The following TRPA1 variants were observed in gnomAD, a reference collection of about 807,000 sequenced individuals.
TRPA1 encodes the protein ankyrin-like with transmembrane domains 1.
In TRPA1, 129 loss-of-function variants were observed where a neutral mutation model predicts 131.3. The ratio of observed to expected loss-of-function variants is 0.98; its 90% CI spans 0.85 to 1.14. The LOEUF (loss-of-function observed/expected upper bound fraction) is 1.14. Among genes scored for constraint, TRPA1 ranks in the 50% most tolerant of loss-of-function variants. The probability of loss-of-function intolerance (pLI) is 0.00; values close to 1 mark genes in which losing one functional copy is unlikely to be tolerated. For synonymous variants in TRPA1, 441 were observed against 451.7 expected (o/e 0.98, Z 0.30); for missense variants, 1,304 against 1,354.2 (o/e 0.96, Z 0.58).
intron 24 of TRPA1, among the ~76,000 whole-genome samples, chr8:72,028,726 A>T (rs1023708406): frequency 1.3e-5 from 2 of 152,232 alleles, no homozygotes; most frequent in Non-Finnish European, 2.9e-5. Context: ...ATAGTCAGGG[A>T]TCACATCCCT....
At chr8:72,036,066 G>A (rs1289435340) in intron 21 of TRPA1, among the ~76,000 whole-genome samples, 1 of 149,880 alleles carries the variant, frequency 6.7e-6, no homozygotes, top group Non-Finnish European at 1.5e-5. Flanking sequence ...GAATTATCTG[G>A]CTACAAAGTT....
chr8:72,063,186 C>T (rs1761445744), intron 5 of TRPA1, among the ~76,000 whole-genome samples: 1 of 151,950 alleles, frequency 6.6e-6, no homozygotes, highest in South Asian at 2.1e-4. Context: ...TCGAGACCAG[C>T]CTGGCCAACA....
At chr8:72,071,166 G>C (rs1427013205) in intron 2 of TRPA1, among the ~76,000 whole-genome samples, 1 of 151,972 alleles carries the variant, frequency 6.6e-6, no homozygotes. Flanking sequence ...TTTTAGCTTG[G>C]CTTCCACTTC....
At chr8:72,080,185 T>C (rs1459595807), upstream of TRPA1, among the ~76,000 whole-genome samples, 2 of 151,860 alleles carry the variant, frequency 1.3e-5, no homozygotes, top group Non-Finnish European at 3.0e-5. Context: ...CATTGTTGAA[T>C]AGAAGAGGAG....
intron 22 of TRPA1, 50 bp downstream of exon 22, chr8:72,034,198 A>G (rs572751226): frequency 1.3e-6 from 2 of 1,515,638 alleles, no homozygotes; most frequent in South Asian, 1.2e-5. Flanking sequence ...ATAAATATAT[A>G]TTTCCATAAT....
intron 5 of TRPA1, 60 bp from the exon 6 acceptor site, chr8:72,063,004 T>G: frequency 6.7e-7 from 1 of 1,497,390 alleles, no homozygotes; most frequent in Non-Finnish European, 9.1e-7. Flanking sequence ...AGGGAGGTTT[T>G]TTGTTAAAAA....
In TRPA1 at chr8:72,033,643, C is replaced by T; in HGVS notation, c.2868+1G>A. 6.2e-7 allele frequency: 1 copy of T among 1,612,536 alleles called. No homozygotes were observed. Among genetic ancestry groups the T allele is most frequent in the African/African-American group, 1.3e-5 (1 of 74,974 alleles). ...AGAAAATATAAGAAAAAACTACTTA[C>T]AAGTAAATTCATGAGGACAATTGGG... On this transcript the variant is annotated splice_donor_variant, in intron 23 of 26. Coordinates refer to ENST00000262209, the MANE Select transcript of TRPA1 (RefSeq NM_007332.3). LOFTEE classifies it high-confidence loss of function.
In TRPA1 at chr8:72,075,453, G is replaced by A. The variant is rs755137912; in HGVS notation, c.-44C>T. ...CACCTGGTGCAGCTGCTCACCACGC[G>A]CGCGGGCACCTGGGGCGAGAGAGCG... is the stretch of plus-strand genomic sequence containing the variant. On this transcript the variant is annotated 5_prime_UTR_variant, in exon 1 of 27. Coordinates refer to ENST00000262209, the MANE Select transcript of TRPA1 (RefSeq NM_007332.3). The A allele has an allele frequency of 2.0e-6, 3 of 1,512,914 alleles. No homozygotes were observed. The highest frequency in any genetic ancestry group is 9.1e-7 in the Non-Finnish European group (1 of 1,099,332). The allele number at this position is 1,512,914 out of a possible 1,614,324, so 93.7% of individuals were successfully genotyped here.
chr8:72,071,109 T>G (rs1806049108), intron 2 of TRPA1, among the ~76,000 whole-genome samples: 2 of 152,334 alleles, frequency 1.3e-5, no homozygotes, highest in Middle Eastern at 3.4e-3. Context: ...TTTTGTAGCC[T>G]CACAACCCTG....
chr8:72,057,772 A>G lies in TRPA1; in HGVS notation c.1038T>C (p.Leu346=). The G allele has an allele frequency of 6.2e-7, 1 of 1,613,988 alleles. No homozygotes were observed. The highest frequency in any genetic ancestry group is 8.5e-7 in the Non-Finnish European group (1 of 1,179,914). ...NKIDSEGRSP[L]ILATASASWN... Reference sequence around the variant, plus strand: ...AAGATGCAGAAGCAGTTGCTAATATAAGTGGAGAGCGTCCTTCAGAATCGA... The same window carrying G: ...AAGATGCAGAAGCAGTTGCTAATATGAGTGGAGAGCGTCCTTCAGAATCGA... The change falls in exon 9 of 27, where the codon CTT becomes CTC. Residue 346 remains leucine (L), a synonymous_variant. Transcript: ENST00000262209.
intron 14 of TRPA1, 111 bp from the exon 15 acceptor site, chr8:72,050,982 A>G (rs1343192492): frequency 5.3e-6 from 4 of 757,938 alleles, no homozygotes; most frequent in Non-Finnish European, 9.1e-6. Context: ...AAGCATATTC[A>G]TGAAATGCAA....
intron 26 of TRPA1, chr8:72,023,337 C>A (rs1811464405): frequency 3.3e-6 from 2 of 604,890 alleles, no homozygotes; most frequent in Non-Finnish European, 5.8e-6. Flanking sequence ...ATTTTTGTTC[C>A]CAGTTTATAG....
chr8:72,039,057 G>C lies in TRPA1; in HGVS notation c.2133-30C>G, dbSNP rs202079395. 2.1e-5 allele frequency: 33 copies of C among 1,609,214 alleles called. No homozygotes were observed. The East Asian group carries it at 7.4e-4, about 36-fold the overall frequency. On this transcript the variant is annotated intron_variant, in intron 18 of 26. Transcript: ENST00000262209. ...AAAAATATAAGCAAACCAGAATTGA[G>C]TCATTTCAAACAAAAATATTTACTT...
chr8:72,045,014 TA>T (rs529529831), intron 17 of TRPA1, among the ~76,000 whole-genome samples: 137 of 152,166 alleles, frequency 9.0e-4, no homozygotes, highest in Non-Finnish European at 1.8e-3. Context: ...CTGATAGAAG[TA>T]TTGCCTATTT....
At chr8:72,055,342 A>C (rs1805634899) in intron 12 of TRPA1, 94 bp downstream of exon 12, 3 of 1,053,656 alleles carry the variant, frequency 2.8e-6, no homozygotes, top group Non-Finnish European at 2.9e-6. Context: ...GTGAGATATA[A>C]AGTTAGACCT....
rs1243647254 is a variant in TRPA1, at chr8:72,050,804, T to C, written c.1879A>G (p.Ile627Val). ...TTCATGCATTCAGGGAGGTATTCTA[T>C]CATTTCTGTAATTGGACATTTATTG... is the stretch of plus-strand genomic sequence containing the variant. ...PGNKCPITEM[I>V]EYLPECMKVL... is the part of the protein sequence containing the mutation. The change falls in exon 15 of 27, where the codon ATA (isoleucine) becomes GTA (valine). Residue 627 changes from isoleucine to valine, a missense_variant. Coordinates refer to ENST00000262209, the MANE Select transcript of TRPA1 (RefSeq NM_007332.3). The C allele has an allele frequency of 3.1e-6, 5 of 1,611,752 alleles. No homozygotes were observed. Among genetic ancestry groups the C allele is most frequent in the Non-Finnish European group, 4.2e-6 (5 of 1,178,664 alleles).
chr8:72,059,461 A>G, intron 7 of TRPA1, 23 bp from the exon 8 acceptor site: 2 of 1,446,632 alleles, frequency 1.4e-6, no homozygotes, highest in Non-Finnish European at 9.6e-7. Flanking sequence ...AATTATAAAC[A>G]TTATAATTAA....
intron 16 of TRPA1, among the ~76,000 whole-genome samples, chr8:72,046,849 G>C (rs2129434635): frequency 6.6e-6 from 1 of 152,132 alleles, no homozygotes; most frequent in South Asian, 2.1e-4. Flanking sequence ...CATGGAAAGA[G>C]AGGAGTTCTC....
intron 22 of TRPA1, 87 bp from the exon 23 acceptor site, chr8:72,033,913 T>C: frequency 1.5e-6 from 2 of 1,295,644 alleles, no homozygotes; most frequent in South Asian, 2.5e-5. Flanking sequence ...AAAAACTATA[T>C]TCAGAATACT....
Sources: gnomAD v4.1 joint callset for allele counts (sites outside exome capture counted in the v4.1 genomes callset) on GRCh38, gnomAD v4.1.1 for gene constraint, MANE v1.5 for transcripts, NCBI Gene and HGNC (gene_info 2026-07-23, HGNC 2026-07-21) for gene names.